SLC39A11: variants seen among roughly 807,000 people sequenced by gnomAD.
SLC39A11 encodes the protein solute carrier family 39 member 11, also known as zinc transporter ZIP11.
SLC39A11 carries 33 observed loss-of-function variants against 36.1 expected under a neutral mutation model. The ratio of observed to expected loss-of-function variants is 0.91; its 90% CI spans 0.69 to 1.22. The LOEUF (loss-of-function observed/expected upper bound fraction) is 1.22. Ranked by LOEUF, SLC39A11 falls within the 50% of genes most tolerant of loss-of-function variation. The pLI is 0.00. For missense variants in SLC39A11, 432 were observed against 430.3 expected, an observed-to-expected ratio of 1.00 and a Z score of -0.03; for synonymous variants, 166 against 170.3, an observed-to-expected ratio of 0.97 and a Z score of 0.20.
Position 72,647,574 on chromosome 17 carries a change from C to A in SLC39A11, c.*10G>T. ...GTATGGCCTTTCCCGGGGTCCGAAGCGTCTCAGCCCTAGCCCAGGCCAACG... is the reference window on the plus strand; with the variant it reads ...GTATGGCCTTTCCCGGGGTCCGAAGAGTCTCAGCCCTAGCCCAGGCCAACG... On this transcript the variant is annotated 3_prime_UTR_variant, in exon 10 of 10. Coordinates refer to ENST00000255559, the MANE Select transcript of SLC39A11 (RefSeq NM_139177.4). 3 of 1,612,428 alleles carry A rather than the reference C, an allele frequency of 1.9e-6. No homozygotes were observed. Among genetic ancestry groups the A allele is most frequent in the Non-Finnish European group, 2.5e-6 (3 of 1,179,126 alleles).
intron 6 of SLC39A11, among the ~76,000 whole-genome samples, chr17:72,780,526 G>T (rs913687963): frequency 6.2e-5 from 7 of 113,126 alleles, no homozygotes; most frequent in African/African-American, 2.9e-4. Flanking sequence ...AAGATGGGGG[G>T]CGGGTGGGGG....
chr17:73,047,985 AAAAAAATATATAT>A (rs2059360622), intron 3 of SLC39A11, among the ~76,000 whole-genome samples: 1 of 53,484 alleles, frequency 1.9e-5, no homozygotes, highest in African/African-American at 6.4e-5. Flanking sequence ...AAAAAAAAAA[AAAAAAATATATAT>A]ATATATATAT....
chr17:72,826,529 A>T (rs2078036169), intron 6 of SLC39A11, among the ~76,000 whole-genome samples: 1 of 152,222 alleles, frequency 6.6e-6, no homozygotes, highest in Non-Finnish European at 1.5e-5. Context: ...AACAAGGGAG[A>T]GACCCTTTAG....
chr17:72,770,171 G>A (rs115271858), intron 6 of SLC39A11, among the ~76,000 whole-genome samples: 3,149 of 152,232 alleles, frequency 0.021, 109 homozygotes, highest in African/African-American at 0.071. Flanking sequence ...AGATTTTCTG[G>A]GTTCACAACC....
chr17:72,930,120 T>C (rs1359529305), intron 5 of SLC39A11, among the ~76,000 whole-genome samples: 1 of 152,214 alleles, frequency 6.6e-6, no homozygotes, highest in Non-Finnish European at 1.5e-5. Flanking sequence ...TGTAGCCCTC[T>C]GCATACAGCA....
At chr17:72,811,283 C>T (rs1303193701) in intron 6 of SLC39A11, among the ~76,000 whole-genome samples, 2 of 152,012 alleles carry the variant, frequency 1.3e-5, no homozygotes, top group African/African-American at 4.8e-5. Flanking sequence ...CTCTATGGGG[C>T]CTCTCTTTTA....
chr17:72,762,882 A>G (rs758132381), intron 6 of SLC39A11, among the ~76,000 whole-genome samples: 1 of 152,082 alleles, frequency 6.6e-6, no homozygotes, highest in African/African-American at 2.4e-5. Flanking sequence ...GTGCTCATTC[A>G]TGTTCATTAC....
chr17:72,954,589 C>T (rs958628921), intron 4 of SLC39A11, among the ~76,000 whole-genome samples: 3 of 152,236 alleles, frequency 2.0e-5, no homozygotes, highest in Non-Finnish European at 4.4e-5. Flanking sequence ...CCCAGACACA[C>T]AAGGCAACGT....
At chr17:72,708,539 T>A (rs73349466) in intron 7 of SLC39A11, among the ~76,000 whole-genome samples, 3,920 of 152,304 alleles carry the variant, frequency 0.026, 175 homozygotes, top group African/African-American at 0.088. Flanking sequence ...GAACCTTGAC[T>A]GGTACATCAT....
intron 5 of SLC39A11, among the ~76,000 whole-genome samples, chr17:72,917,604 C>A (rs1192340609): frequency 6.6e-6 from 1 of 152,154 alleles, no homozygotes; most frequent in African/African-American, 2.4e-5. Context: ...AGGGAGGAGA[C>A]ATTCCAAGAA....
intron 6 of SLC39A11, among the ~76,000 whole-genome samples, chr17:72,753,889 CAAA>C (rs35076559): frequency 7.7e-4 from 40 of 51,928 alleles, no homozygotes; most frequent in East Asian, 1.8e-3. Flanking sequence ...AGTCATTATA[CAAA>C]AAAAAAAAAA....
At chr17:73,036,093 C>T (rs1321309615) in intron 3 of SLC39A11, among the ~76,000 whole-genome samples, 2 of 152,160 alleles carry the variant, frequency 1.3e-5, no homozygotes, top group African/African-American at 4.8e-5. Context: ...GCCACCTTGA[C>T]TTTGTCCCAG....
chr17:72,888,237 TCG>T (rs1298567715), intron 5 of SLC39A11, among the ~76,000 whole-genome samples: 1 of 152,196 alleles, frequency 6.6e-6, no homozygotes, highest in Non-Finnish European at 1.5e-5. Flanking sequence ...CATTTTAAGC[TCG>T]AATAAATTAT....
chr17:72,889,165 T>G (rs1268354407), intron 5 of SLC39A11, among the ~76,000 whole-genome samples: 3 of 152,180 alleles, frequency 2.0e-5, no homozygotes, highest in African/African-American at 7.2e-5. Context: ...TAGCCATACT[T>G]AAACCATTAA....
intron 6 of SLC39A11, chr17:72,837,724 A>C (rs1436856294): frequency 4.0e-6 from 1 of 248,756 alleles, no homozygotes; most frequent in Non-Finnish European, 7.6e-6. Context: ...AGAAAGACTT[A>C]CTGATACATG....
At chr17:72,797,771 G>A (rs2076942664) in intron 6 of SLC39A11, among the ~76,000 whole-genome samples, 1 of 152,120 alleles carries the variant, frequency 6.6e-6, no homozygotes, top group African/African-American at 2.4e-5. Flanking sequence ...CCAGAACCTG[G>A]ACCCAGATCC....
chr17:72,971,459 G>A (rs899955290), intron 4 of SLC39A11, among the ~76,000 whole-genome samples: 2 of 152,084 alleles, frequency 1.3e-5, no homozygotes, highest in African/African-American at 4.8e-5. Flanking sequence ...CGATTTTAAT[G>A]AAAATCTCAG....
intron 3 of SLC39A11, 129 bp downstream of exon 3, chr17:73,084,679 G>A (rs2060661528): frequency 1.3e-6 from 1 of 792,716 alleles, no homozygotes; most frequent in African/African-American, 1.7e-5. Flanking sequence ...ATAAGAGGGA[G>A]GTGTTAGTGC....
At chr17:72,919,691 A>AG (rs2083541835) in intron 5 of SLC39A11, among the ~76,000 whole-genome samples, 1 of 151,512 alleles carries the variant, frequency 6.6e-6, no homozygotes, top group South Asian at 2.1e-4. Context: ...AAAAAGAAAA[A>AG]AAGAAGGAAA....
Sources: allele counts gnomAD v4.1 joint callset (sites outside exome capture counted in the v4.1 genomes callset), GRCh38; gene constraint gnomAD v4.1.1; transcripts MANE v1.5; gene names NCBI Gene and HGNC (gene_info 2026-07-23, HGNC 2026-07-21).